The following ANAPC1 variants were observed in gnomAD, a reference collection of about 807,000 sequenced individuals.
ANAPC1 encodes anaphase promoting complex subunit 1.
In ANAPC1, 36 loss-of-function variants were observed where a neutral mutation model predicts 208.0. The observed-to-expected ratio is 0.17, with a 90% CI of 0.13 to 0.23. The LOEUF is 0.23. Ranked by LOEUF, ANAPC1 falls within the 10% of genes least tolerant of loss-of-function variation. The pLI, the probability that ANAPC1 is intolerant of heterozygous loss-of-function variation, is 1.00. For synonymous variants in ANAPC1, 378 were observed against 695.2 expected (o/e 0.54, Z 7.18); for missense variants, 942 against 2,011.6 (o/e 0.47, Z 10.17).
At chr2:111,784,181 T>A in intron 41 of ANAPC1, 142 bp downstream of exon 41, 1 of 1,054,330 alleles carries the variant, frequency 9.5e-7, no homozygotes, top group Non-Finnish European at 1.4e-6. Context: ...GCTCTATTCT[T>A]TCTGACTTTT....
chr2:111,784,550 T>C (rs76198937), intron 40 of ANAPC1, 150 bp from the exon 41 acceptor site: 136,201 of 999,560 alleles, frequency 0.14, 7,971 homozygotes, highest in Non-Finnish European at 0.15. Context: ...ACTCAAATCT[T>C]AAAGGACTGA....
Position 111,768,288 on chromosome 2 carries a change from G to A in ANAPC1, c.*1003C>T, listed in dbSNP as rs547770170. On this transcript the variant is annotated 3_prime_UTR_variant, in exon 48 of 48. Coordinates refer to ENST00000341068, the MANE Select transcript of ANAPC1 (RefSeq NM_022662.4). ...ATAGACATACATTCTGTAAATCTTA[G>A]GTAAATATGGATTGTCTTGTTTTTA... The A allele has an allele frequency of 6.6e-6, 1 of 152,192 alleles. No individual in the cohort carries two copies. Among genetic ancestry groups the A allele is most frequent in the South Asian group, 2.1e-4 (1 of 4,820 alleles). 9.4% of individuals were successfully genotyped at this position (152,192 alleles called of 1,614,324 possible). A position where few individuals can be genotyped will look rare whatever the true frequency, so the allele number is the denominator to read the frequency against.
At position 111,832,441 on chromosome 2, in the gene ANAPC1, G is replaced by T. The variant is rs1045037465; in HGVS notation, c.2476+779C>A. Among the ~76,000 whole-genome samples, 3 of 152,098 alleles carry T rather than the reference G, an allele frequency of 2.0e-5. No homozygotes were observed. The East Asian group carries it at 5.8e-4, about 29-fold the overall frequency. On this transcript the variant is annotated intron_variant, in intron 20 of 47. Coordinates refer to ENST00000341068, the MANE Select transcript of ANAPC1 (RefSeq NM_022662.4). ...CCAAATTTCAGTACCTTTAGCTCAG[G>T]GTCTAGGATAGTACAGTGGTGATGG...
In ANAPC1 at chr2:111,880,708, G is replaced by A; in HGVS notation, c.118C>T (p.Arg40Cys). The A allele has an allele frequency of 6.2e-7, 1 of 1,613,846 alleles. No homozygotes were observed. The highest frequency in any genetic ancestry group is 8.5e-7 in the Non-Finnish European group (1 of 1,179,866). The change falls in exon 2 of 48, where the codon CGC (arginine) becomes TGC (cysteine). Residue 40 changes from arginine to cysteine, a missense_variant. By Grantham distance (180) the Arg-to-Cys change is radical (BLOSUM62 -3). Transcript: ENST00000341068. ...HHPNALNLQL[R>C]QLQPASELWS... Reference sequence around the variant, plus strand: ...AATTCAGAAGCTGGCTGCAGCTGGCGAAGTTGAAGGTTCAAAGCATTAGGG... The same window carrying A: ...AATTCAGAAGCTGGCTGCAGCTGGCAAAGTTGAAGGTTCAAAGCATTAGGG...
chr2:111,863,711 G>C lies in ANAPC1; in HGVS notation c.1016C>G (p.Ser339Cys). Residue 339 changes from serine to cysteine, a missense_variant, in exon 9 of 48, where the codon TCT (serine) becomes TGT (cysteine). Ser to Cys is a moderately radical substitution (Grantham distance 112, BLOSUM62 -1). Transcript: ENST00000341068. ...CATGTTGGAAATAGAAGGTGAGCGA[G>C]AATGTAGACTGGGTGATGAGGTTGA... Reference protein sequence around the residue: ...SRSTSSPSLHSRSPSISNMAA... With the variant: ...SRSTSSPSLHCRSPSISNMAA... 6.2e-7 allele frequency: 1 copy of C among 1,613,908 alleles called. No individual in the cohort carries two copies. Among genetic ancestry groups the C allele is most frequent in the Non-Finnish European group, 8.5e-7 (1 of 1,179,814 alleles).
At chr2:111,798,937 G>A (rs1678298574) in intron 34 of ANAPC1, among the ~76,000 whole-genome samples, 1 of 151,806 alleles carries the variant, frequency 6.6e-6, no homozygotes, top group Non-Finnish European at 1.5e-5. Flanking sequence ...GGGAGGCTGA[G>A]GCAGGAGAAT....
rs1446951650 is a variant in ANAPC1 at position 111,792,485 on chromosome 2, G to A, written c.4589C>T (p.Ser1530Leu). The stretch of plus-strand genomic sequence containing the variant: ...AAGCTGCAAAACCTTTAGGTTTCCT[G>A]AGCCAGCCATGACCATGGCGAGAGA... ...LLSLAMVMAG[S>L]GNLKVLQLCR... Residue 1530 changes from serine to leucine, a missense_variant, in exon 38 of 48, where the codon TCA becomes TTA. By Grantham distance (145) the Ser-to-Leu change is moderately radical. Transcript: ENST00000341068. The A allele has an allele frequency of 6.2e-7, 1 of 1,613,754 alleles. No homozygotes were observed. The highest frequency in any genetic ancestry group is 8.5e-7 in the Non-Finnish European group (1 of 1,179,870).
intron 6 of ANAPC1, among the ~76,000 whole-genome samples, chr2:111,870,380 T>C (rs1210415535): frequency 1.3e-5 from 2 of 152,184 alleles, no homozygotes; most frequent in Non-Finnish European, 2.9e-5. Flanking sequence ...CCAACATCTA[T>C]TGTTTTTCTG....
chr2:111,824,710 A>G (rs754129742), intron 24 of ANAPC1, among the ~76,000 whole-genome samples: 7 of 152,230 alleles, frequency 4.6e-5, no homozygotes, highest in Non-Finnish European at 8.8e-5. Context: ...CAGCTTACAT[A>G]GCCACAGCCT....
In ANAPC1 at chr2:111,795,112, G is replaced by A. The variant is rs1345804411; in HGVS notation, c.4297-218C>T. On this transcript the variant is annotated intron_variant, in intron 34 of 47. Coordinates refer to ENST00000341068, the MANE Select transcript of ANAPC1 (RefSeq NM_022662.4). ...AAGAATAATAATTAAGGGCAGGCATGGTGGCTCACGACTGTAATCCCAGCA... is the reference window on the plus strand; with the variant it reads ...AAGAATAATAATTAAGGGCAGGCATAGTGGCTCACGACTGTAATCCCAGCA... 8.3e-6 allele frequency: 3 copies of A among 361,938 alleles called. No individual in the cohort carries two copies. The East Asian group carries it at 1.8e-4, about 21-fold the overall frequency. 22.4% of individuals were successfully genotyped at this position (361,938 alleles called of 1,614,324 possible).
chr2:111,829,618 A>T (rs1382911811), intron 21 of ANAPC1, among the ~76,000 whole-genome samples: 2 of 152,222 alleles, frequency 1.3e-5, no homozygotes, highest in Non-Finnish European at 2.9e-5. Flanking sequence ...GATCTTGGAC[A>T]TGTATTAACC....
intron 28 of ANAPC1, among the ~76,000 whole-genome samples, chr2:111,815,069 G>T (rs1271094267): frequency 6.9e-6 from 1 of 143,910 alleles, no homozygotes; most frequent in Non-Finnish European, 1.5e-5. Flanking sequence ...CTCGTGGCTG[G>T]CAACCCACCT....
At chr2:111,846,530 TATAC>T (rs1681072127) in intron 16 of ANAPC1, among the ~76,000 whole-genome samples, 1 of 101,200 alleles carries the variant, frequency 9.9e-6, no homozygotes, top group African/African-American at 4.5e-5. Flanking sequence ...TATATATACA[TATAC>T]ATATATATAT....
chr2:111,778,285 A>G (rs1677094371), intron 45 of ANAPC1, among the ~76,000 whole-genome samples: 1 of 152,246 alleles, frequency 6.6e-6, no homozygotes, highest in African/African-American at 2.4e-5. Flanking sequence ...ACATAGGTCT[A>G]ATTTCACAGT....
chr2:111,872,218 C>T (rs901697866), intron 6 of ANAPC1, among the ~76,000 whole-genome samples: 1 of 151,998 alleles, frequency 6.6e-6, no homozygotes, highest in Admixed American at 6.6e-5. Flanking sequence ...TTATCCAATG[C>T]TTTTTTCTGC....
At chr2:111,870,037 A>G (rs1249652553) in intron 6 of ANAPC1, among the ~76,000 whole-genome samples, 1 of 152,222 alleles carries the variant, frequency 6.6e-6, no homozygotes, top group Non-Finnish European at 1.5e-5. Flanking sequence ...GCTTGCTGCA[A>G]AAGACATTAT....
intron 1 of ANAPC1, among the ~76,000 whole-genome samples, chr2:111,881,446 T>C (rs1683292082): frequency 6.6e-6 from 1 of 152,206 alleles, no homozygotes; most frequent in African/African-American, 2.4e-5. Context: ...CAATTATTGG[T>C]CGAAACCCAA....
At chr2:111,883,669 A>G (rs1355749900) in intron 1 of ANAPC1, among the ~76,000 whole-genome samples, 2 of 152,148 alleles carry the variant, frequency 1.3e-5, no homozygotes, top group African/African-American at 2.4e-5. Context: ...GAGGGGCTGG[A>G]GGCCAGTCTG....
chr2:111,880,750 C>G lies in ANAPC1; in HGVS notation c.76G>C (p.Asp26His). Residue 26 changes from aspartate (D) to histidine (H), a missense_variant, in exon 2 of 48, where the codon GAC (aspartate) becomes CAC (histidine). Asp to His is a moderately conservative substitution (Grantham distance 81, BLOSUM62 -1). Transcript: ENST00000341068. ...GCATTAGGGTGGTGCTTGCAGTGGTCTCGACCAAAAGGAACAAATTCCTGC... is the reference window on the plus strand; with the variant it reads ...GCATTAGGGTGGTGCTTGCAGTGGTGTCGACCAAAAGGAACAAATTCCTGC... ...DLQEFVPFGR[D>H]HCKHHPNALN... 1.2e-6 allele frequency: 2 copies of G among 1,613,896 alleles called. No homozygotes were observed. The highest frequency in any genetic ancestry group is 4.5e-5 in the East Asian group (2 of 44,894).
Sources: gnomAD v4.1 joint callset for allele counts (sites outside exome capture counted in the v4.1 genomes callset) on GRCh38, gnomAD v4.1.1 for gene constraint, MANE v1.5 for transcripts, NCBI Gene and HGNC (gene_info 2026-07-23, HGNC 2026-07-21) for gene names.